MIS18A: variants seen among roughly 807,000 people sequenced by gnomAD.
The protein encoded by MIS18A is protein Mis18-alpha.
MIS18A carries 14 observed loss-of-function variants against 25.0 expected under a neutral mutation model. The ratio of observed to expected loss-of-function variants is 0.56; its 90% confidence interval spans 0.37 to 0.88. The LOEUF (loss-of-function observed/expected upper bound fraction) is 0.88, where lower values mean the gene tolerates loss of function less well. Among genes scored for constraint, MIS18A ranks in the 40% least tolerant of loss-of-function variants. MIS18A has a pLI of 0.00. For synonymous variants in MIS18A, 134 were observed against 118.6 expected, an observed-to-expected ratio of 1.13 and a Z score of -0.84; for missense variants, 292 against 290.8, an observed-to-expected ratio of 1.00 and a Z score of -0.03.
chr21:32,181,059 T>C, the MIS18A span, among the ~76,000 whole-genome samples: 1 of 152,132 alleles, frequency 6.6e-6, no homozygotes, highest in Non-Finnish European at 1.5e-5. Flanking sequence ...ACATGTGAAC[T>C]GGCATATAGA....
the MIS18A span, among the ~76,000 whole-genome samples, chr21:32,237,557 ATT>A: frequency 6.6e-6 from 1 of 152,134 alleles, no homozygotes; most frequent in African/African-American, 2.4e-5. Context: ...TGATAAGCAA[ATT>A]ACAGATAGTT....
Position 32,279,028 on chromosome 21 carries a change from C to T in MIS18A, c.-14G>A, listed in dbSNP as rs757118068. 6 of 1,583,546 alleles carry T rather than the reference C, an allele frequency of 3.8e-6. No individual in the cohort carries two copies. Among genetic ancestry groups the T allele is most frequent in the South Asian group, 1.1e-5 (1 of 90,154 alleles). ...AACGCCTGCCATTACCTACAAATCG[C>T]CCGCGCCCCAGAGCGCCATGGGAAA... On this transcript the variant is annotated 5_prime_UTR_variant, in exon 1 of 5. Transcript: ENST00000290130.
chr21:32,169,412 A>C, the MIS18A span, among the ~76,000 whole-genome samples: 1 of 152,114 alleles, frequency 6.6e-6, no homozygotes, highest in African/African-American at 2.4e-5. Flanking sequence ...AATTAACATC[A>C]CAGCTGCCTC....
the MIS18A span, among the ~76,000 whole-genome samples, chr21:32,193,483 GATA>G: frequency 2.5e-4 from 4 of 15,852 alleles, no homozygotes; most frequent in South Asian, 2.5e-3. Flanking sequence ...TAGATAGGTA[GATA>G]GATAGATAGA....
At chr21:32,265,932 GGA>G (rs2031590451), downstream of MIS18A, among the ~76,000 whole-genome samples, 1 of 152,088 alleles carries the variant, frequency 6.6e-6, no homozygotes, top group African/African-American at 2.4e-5. Context: ...GTGAGGACAT[GGA>G]GAGTCTTTAT....
the MIS18A span, among the ~76,000 whole-genome samples, chr21:32,257,507 A>G: frequency 6.6e-6 from 1 of 152,192 alleles, no homozygotes; most frequent in African/African-American, 2.4e-5. Flanking sequence ...AATGGGCAGA[A>G]TATTGTCTAT....
the MIS18A span, among the ~76,000 whole-genome samples, chr21:32,247,256 T>A: frequency 6.6e-6 from 1 of 152,164 alleles, no homozygotes. Context: ...TGGACCAGGA[T>A]CCCAAACTCT....
At chr21:32,267,206 C>T (rs1488931242), downstream of MIS18A, among the ~76,000 whole-genome samples, 2 of 152,242 alleles carry the variant, frequency 1.3e-5, no homozygotes, top group African/African-American at 4.8e-5. Context: ...AGGGATGCCA[C>T]AGGTTGAGGC....
chr21:32,241,326 G>C, the MIS18A span, among the ~76,000 whole-genome samples: 1 of 150,636 alleles, frequency 6.6e-6, no homozygotes. Flanking sequence ...CATTCCAGTG[G>C]AGTACTGCTT....
chr21:32,245,397 A>G, the MIS18A span, among the ~76,000 whole-genome samples: 2 of 152,238 alleles, frequency 1.3e-5, no homozygotes, highest in Non-Finnish European at 2.9e-5. Context: ...CGAAATAGAT[A>G]TGTGATCGTG....
chr21:32,278,235 TC>T (rs563524781), intron 1 of MIS18A: 294 of 165,258 alleles, frequency 1.8e-3, no homozygotes, highest in Non-Finnish European at 3.0e-3. Context: ...AGCACTGTGT[TC>T]CGTCAACTCT....
the MIS18A span, among the ~76,000 whole-genome samples, chr21:32,256,685 G>A: frequency 7.9e-5 from 12 of 152,280 alleles, no homozygotes; most frequent in African/African-American, 2.9e-4. Flanking sequence ...CGGCCTCTGT[G>A]TCTTGGCTCA....
chr21:32,275,204 T>C (rs1601080603), intron 1 of MIS18A, among the ~76,000 whole-genome samples: 1 of 152,090 alleles, frequency 6.6e-6, no homozygotes, highest in Middle Eastern at 3.4e-3. Flanking sequence ...CGAGACTCCA[T>C]CTCTAAAAAA....
chr21:32,276,165 C>T (rs2031804424), intron 1 of MIS18A, among the ~76,000 whole-genome samples: 1 of 152,148 alleles, frequency 6.6e-6, no homozygotes, highest in Admixed American at 6.5e-5. Context: ...AGAACTGTAC[C>T]TGCAGCCAAG....
At chr21:32,266,623 G>A (rs7275765), downstream of MIS18A, among the ~76,000 whole-genome samples, 39,618 of 151,280 alleles carry the variant, frequency 0.26, 5,282 homozygotes, top group East Asian at 0.32. Flanking sequence ...CACTCACCGC[G>A]AAGGTCTGCA....
At chr21:32,257,184 A>AGG in the MIS18A span, among the ~76,000 whole-genome samples, 1 of 152,214 alleles carries the variant, frequency 6.6e-6, no homozygotes, top group South Asian at 2.1e-4. Flanking sequence ...GAGAGAGGAC[A>AGG]GGGGAACTTG....
intron 1 of MIS18A, among the ~76,000 whole-genome samples, 173 bp from the exon 2 acceptor site, chr21:32,275,069 A>G (rs1264357413): frequency 6.6e-6 from 1 of 152,210 alleles, no homozygotes; most frequent in Admixed American, 6.5e-5. Flanking sequence ...CTGGGAAAAG[A>G]TAGCAGAATA....
the MIS18A span, among the ~76,000 whole-genome samples, chr21:32,226,124 C>T: frequency 8.1e-6 from 1 of 123,338 alleles, no homozygotes; most frequent in Non-Finnish European, 1.6e-5. Context: ...ACTCTGGGGA[C>T]TGTGGTGGGG....
At chr21:32,211,185 C>T in the MIS18A span, among the ~76,000 whole-genome samples, 1 of 152,170 alleles carries the variant, frequency 6.6e-6, no homozygotes, top group Non-Finnish European at 1.5e-5. Flanking sequence ...AGATTACAGG[C>T]ATGTGTCACC....
Sources: allele counts gnomAD v4.1 joint callset (sites outside exome capture counted in the v4.1 genomes callset), GRCh38; gene constraint gnomAD v4.1.1; transcripts MANE v1.5; gene names NCBI Gene and HGNC (gene_info 2026-07-23, HGNC 2026-07-21).